Variants in NMNAT2 observed in about 807,000 individuals in gnomAD.
NMNAT2 encodes the protein nicotinamide/nicotinic acid mononucleotide adenylyltransferase 2.
A neutral mutation model predicts 41.6 loss-of-function variants in NMNAT2; 11 were observed. The ratio of observed to expected loss-of-function variants is 0.26; its 90% confidence interval spans 0.17 to 0.44. The LOEUF (loss-of-function observed/expected upper bound fraction) is 0.44. Among genes scored for constraint, NMNAT2 ranks in the 20% least tolerant of loss-of-function variants. NMNAT2 has a pLI of 1.00. For synonymous variants in NMNAT2, 148 were observed against 151.2 expected (o/e 0.98, Z 0.16); for missense variants, 288 against 407.7 (o/e 0.71, Z 2.53).
intron 1 of NMNAT2, among the ~76,000 whole-genome samples, chr1:183,351,386 G>A (rs1399677405): frequency 6.6e-6 from 1 of 152,202 alleles, no homozygotes. Context: ...ATGAACAGGA[G>A]TAGTGTAGTT....
chr1:183,354,409 C>CTTTTTTT (rs67663742), intron 1 of NMNAT2, among the ~76,000 whole-genome samples: 1 of 89,658 alleles, frequency 1.1e-5, no homozygotes, highest in African/African-American at 4.5e-5. Context: ...TCTTTAATGT[C>CTTTTTTT]TTTTTTTTTT....
chr1:183,271,002 G>A (rs1323666492), intron 8 of NMNAT2, among the ~76,000 whole-genome samples: 12 of 152,132 alleles, frequency 7.9e-5, no homozygotes, highest in African/African-American at 2.7e-4. Context: ...GTTAGCCCAC[G>A]GCTGGTTGGC....
At position 183,277,343 on chromosome 1, in the gene NMNAT2, C is replaced by T. The variant is rs184076983; in HGVS notation, c.651+1210G>A. ...ACTAAAAATACAAAAATTAGCTGGG[C>T]GTGGTGGCAGGTGCCTGTAATTCCA... On this transcript the variant is annotated intron_variant, in intron 8 of 10. Transcript: ENST00000287713. Among the ~76,000 whole-genome samples the T allele has an allele frequency of 6.4e-3, 967 of 151,666 alleles. 15 individuals carry two copies. Among genetic ancestry groups the T allele is most frequent in the African/African-American group, 0.022 (902 of 41,338 alleles).
At chr1:183,265,365 C>T (rs555392546) in intron 8 of NMNAT2, among the ~76,000 whole-genome samples, 1 of 136,868 alleles carries the variant, frequency 7.3e-6, no homozygotes, top group East Asian at 2.5e-4. Flanking sequence ...CTCCTGGGTT[C>T]AAGTGATTCT....
intron 1 of NMNAT2, among the ~76,000 whole-genome samples, chr1:183,304,236 G>T (rs1263274529): frequency 6.6e-6 from 1 of 152,170 alleles, no homozygotes; most frequent in Non-Finnish European, 1.5e-5. Context: ...CACGTACAAA[G>T]GCATGAAGAT....
chr1:183,262,694 C>T (rs1466922739), intron 8 of NMNAT2, among the ~76,000 whole-genome samples: 1 of 152,158 alleles, frequency 6.6e-6, no homozygotes, highest in Non-Finnish European at 1.5e-5. Context: ...GTACATAATT[C>T]AAGCTTTTGA....
chr1:183,273,093 T>C (rs191452549), intron 8 of NMNAT2, among the ~76,000 whole-genome samples: 1 of 152,336 alleles, frequency 6.6e-6, no homozygotes, highest in East Asian at 1.9e-4. Context: ...TTTTGGCCAA[T>C]CAATGTAGCC....
intron 10 of NMNAT2, among the ~76,000 whole-genome samples, chr1:183,253,945 A>ATG (rs1220264993): frequency 9.3e-6 from 1 of 107,928 alleles, no homozygotes; most frequent in African/African-American, 3.7e-5. Flanking sequence ...GTGTGTGTGT[A>ATG]TGTGTGTGTG....
chr1:183,393,867 T>A (rs1407459603), intron 1 of NMNAT2, among the ~76,000 whole-genome samples: 3 of 152,178 alleles, frequency 2.0e-5, no homozygotes, highest in Non-Finnish European at 2.9e-5. Context: ...TGGCTCTTGA[T>A]TTATTCAAAA....
intron 1 of NMNAT2, among the ~76,000 whole-genome samples, chr1:183,384,463 C>A (rs995363019): frequency 6.6e-6 from 1 of 152,120 alleles, no homozygotes; most frequent in Non-Finnish European, 1.5e-5. Flanking sequence ...GCCTCCCAAA[C>A]TGCTGGGATT....
chr1:183,414,346 T>C (rs974027150), intron 1 of NMNAT2, among the ~76,000 whole-genome samples: 1 of 152,260 alleles, frequency 6.6e-6, no homozygotes, highest in Non-Finnish European at 1.5e-5. Flanking sequence ...TGTTTTTGTT[T>C]ATATAGCCAA....
chr1:183,340,075 G>C (rs1427187233), intron 1 of NMNAT2, among the ~76,000 whole-genome samples: 1 of 152,212 alleles, frequency 6.6e-6, no homozygotes, highest in Non-Finnish European at 1.5e-5. Flanking sequence ...CTTCTTTAAG[G>C]TCAATTGCCA....
At chr1:183,359,697 C>G (rs1663265680) in intron 1 of NMNAT2, among the ~76,000 whole-genome samples, 1 of 152,106 alleles carries the variant, frequency 6.6e-6, no homozygotes, top group South Asian at 2.1e-4. Flanking sequence ...CTCTTTTTTG[C>G]TCCCATGCCC....
rs182230443 is a variant in NMNAT2 at position 183,356,281 on chromosome 1, C to T, written c.85+61902G>A. Among the ~76,000 whole-genome samples the T allele has an allele frequency of 3.3e-5, 5 of 152,328 alleles. No homozygotes were observed. The East Asian group carries it at 9.7e-4, about 29-fold the overall frequency. On this transcript the variant is annotated intron_variant, in intron 1 of 10. Coordinates refer to ENST00000287713, the MANE Select transcript of NMNAT2 (RefSeq NM_015039.4). ...ACCTTATTCTTGTAAACAGACACCTCGTTCATAACCCTTATACTATACTGT... is the reference window on the plus strand; with the variant it reads ...ACCTTATTCTTGTAAACAGACACCTTGTTCATAACCCTTATACTATACTGT...
chr1:183,254,346 C>T (rs143960826), intron 10 of NMNAT2, among the ~76,000 whole-genome samples: 159 of 152,164 alleles, frequency 1.0e-3, no homozygotes, highest in African/African-American at 3.4e-3. Flanking sequence ...AGTAATGTTG[C>T]GCATCTTTTT....
At chr1:183,326,406 G>T (rs979576311) in intron 1 of NMNAT2, among the ~76,000 whole-genome samples, 1 of 149,530 alleles carries the variant, frequency 6.7e-6, no homozygotes, top group Admixed American at 6.7e-5. Flanking sequence ...AAAAAAGACA[G>T]GGGAAGAGAA....
At chr1:183,293,646 T>C in intron 2 of NMNAT2, 59 bp downstream of exon 2, 1 of 1,282,222 alleles carries the variant, frequency 7.8e-7, no homozygotes, top group Non-Finnish European at 1.1e-6. Flanking sequence ...CCAGGAACTA[T>C]CAGGCCAGGG....
chr1:183,333,543 C>A (rs138305550), intron 1 of NMNAT2, among the ~76,000 whole-genome samples: 2 of 152,084 alleles, frequency 1.3e-5, no homozygotes, highest in African/African-American at 2.4e-5. Context: ...AGCCAAGGAG[C>A]GCAAGCAGTC....
At chr1:183,298,763 T>G (rs1482362347) in intron 1 of NMNAT2, among the ~76,000 whole-genome samples, 1 of 152,138 alleles carries the variant, frequency 6.6e-6, no homozygotes, top group South Asian at 2.1e-4. Context: ...AGTCTAGTGG[T>G]TAGGAACAAC....
Sources: allele counts gnomAD v4.1 joint callset (sites outside exome capture counted in the v4.1 genomes callset), GRCh38; gene constraint gnomAD v4.1.1; transcripts MANE v1.5; gene names NCBI Gene and HGNC (gene_info 2026-07-23, HGNC 2026-07-21).